The following CSTPP1 variants were observed in gnomAD, a reference collection of about 807,000 sequenced individuals.
The protein encoded by CSTPP1 is UPF0705 protein C11orf49.
the CSTPP1 span, among the ~76,000 whole-genome samples, chr11:47,051,611 T>C: frequency 1.3e-5 from 2 of 152,044 alleles, no homozygotes; most frequent in South Asian, 4.2e-4. Context: ...GAACAGCCAC[T>C]CCAGTTATGT....
At chr11:47,149,461 G>C in the CSTPP1 span, among the ~76,000 whole-genome samples, 1 of 152,220 alleles carries the variant, frequency 6.6e-6, no homozygotes, top group South Asian at 2.1e-4. Context: ...GAGCCCTCTG[G>C]GAGTGGCAAT....
At chr11:47,046,605 C>T in the CSTPP1 span, among the ~76,000 whole-genome samples, 1 of 150,470 alleles carries the variant, frequency 6.6e-6, no homozygotes, top group Non-Finnish European at 1.5e-5. Flanking sequence ...CAGTTCTACC[C>T]AAAGCAATCT....
chr11:47,157,611 C>G, the CSTPP1 span, among the ~76,000 whole-genome samples: 3 of 151,986 alleles, frequency 2.0e-5, no homozygotes, highest in African/African-American at 7.2e-5. Context: ...TTCCCACCCC[C>G]ACTCCCCACC....
At chr11:47,076,056 C>T in the CSTPP1 span, among the ~76,000 whole-genome samples, 1 of 151,954 alleles carries the variant, frequency 6.6e-6, no homozygotes, top group East Asian at 1.9e-4. Context: ...CCCCAGATCC[C>T]TCCCCCAACT....
At chr11:47,164,219 G>A in the CSTPP1 span, 60 of 1,613,574 alleles carry the variant, frequency 3.7e-5, no homozygotes, top group East Asian at 1.8e-4. Context: ...CGGTACCGAC[G>A]CCCTACCATT....
At chr11:47,098,328 T>A in the CSTPP1 span, among the ~76,000 whole-genome samples, 1 of 149,926 alleles carries the variant, frequency 6.7e-6, no homozygotes, top group Admixed American at 6.6e-5. Flanking sequence ...AAAAAAAAAA[T>A]AAATAAATAA....
the CSTPP1 span, chr11:47,159,759 A>T: frequency 1.1e-5 from 5 of 452,200 alleles, no homozygotes; most frequent in African/African-American, 6.0e-5. Flanking sequence ...TAATCCCAAC[A>T]CTTTGGGAGG....
At chr11:47,030,264 C>T in the CSTPP1 span, among the ~76,000 whole-genome samples, 1 of 152,304 alleles carries the variant, frequency 6.6e-6, no homozygotes, top group East Asian at 1.9e-4. Context: ...CCTAGGAAGA[C>T]TCAACTGCCA....
At chr11:47,036,231 ATATAT>A in the CSTPP1 span, among the ~76,000 whole-genome samples, 13 of 43,414 alleles carry the variant, frequency 3.0e-4, no homozygotes, top group South Asian at 1.1e-3. Context: ...AATATATATA[ATATAT>A]TATATTTATA....
chr11:46,974,525 T>TC, the CSTPP1 span, among the ~76,000 whole-genome samples: 1 of 40,236 alleles, frequency 2.5e-5, no homozygotes, highest in Non-Finnish European at 5.9e-5. Context: ...AGACTCTGTC[T>TC]CAAAAAAAAA....
At chr11:46,987,165 T>C in the CSTPP1 span, 1 of 1,585,648 alleles carries the variant, frequency 6.3e-7, no homozygotes, top group Admixed American at 1.7e-5. Flanking sequence ...CTTTTTAAAA[T>C]CTTTCTCTCA....
chr11:47,149,892 A>T, the CSTPP1 span, among the ~76,000 whole-genome samples: 1 of 151,750 alleles, frequency 6.6e-6, no homozygotes, highest in African/African-American at 2.4e-5. Context: ...CTGCTTGAAC[A>T]TTTCTGGCAA....
At chr11:47,028,442 A>G in the CSTPP1 span, among the ~76,000 whole-genome samples, 6 of 152,300 alleles carry the variant, frequency 3.9e-5, no homozygotes, top group Non-Finnish European at 7.4e-5. Context: ...ATAGATAACA[A>G]CAGCCTACTA....
At chr11:47,016,255 G>A in the CSTPP1 span, among the ~76,000 whole-genome samples, 11,890 of 151,968 alleles carry the variant, frequency 0.078, 484 homozygotes, top group Non-Finnish European at 0.089. Flanking sequence ...ACAGGGCAAC[G>A]ATTTCCATTC....
the CSTPP1 span, among the ~76,000 whole-genome samples, chr11:46,965,307 C>G: frequency 4.0e-5 from 6 of 149,430 alleles, no homozygotes; most frequent in African/African-American, 1.5e-4. Context: ...GTAACTCTAC[C>G]TCCTCCTCCC....
the CSTPP1 span, among the ~76,000 whole-genome samples, chr11:47,005,430 G>A: frequency 1.4e-4 from 22 of 152,064 alleles, no homozygotes; most frequent in Non-Finnish European, 2.5e-4. Context: ...ATTGAATAAC[G>A]AACAATTACA....
At chr11:47,008,657 A>T in the CSTPP1 span, among the ~76,000 whole-genome samples, 1 of 152,226 alleles carries the variant, frequency 6.6e-6, no homozygotes, top group Non-Finnish European at 1.5e-5. Flanking sequence ...TGAGATTTCT[A>T]TTATTGAAAG....
the CSTPP1 span, among the ~76,000 whole-genome samples, chr11:46,958,365 A>T: frequency 1.4e-4 from 22 of 152,232 alleles, no homozygotes; most frequent in African/African-American, 5.3e-4. Flanking sequence ...TATATAATAC[A>T]TATACAAAAT....
the CSTPP1 span, among the ~76,000 whole-genome samples, chr11:46,999,732 C>T: frequency 6.6e-6 from 1 of 152,166 alleles, no homozygotes; most frequent in Non-Finnish European, 1.5e-5. Flanking sequence ...CTTACAGTTT[C>T]GAGTTCACAT....
Sources: allele counts gnomAD v4.1 joint callset (sites outside exome capture counted in the v4.1 genomes callset), GRCh38; gene constraint gnomAD v4.1.1; transcripts MANE v1.5; gene names NCBI Gene and HGNC (gene_info 2026-07-23, HGNC 2026-07-21).